The following TOPAZ1 variants were observed in gnomAD, a reference collection of about 807,000 sequenced individuals.
TOPAZ1 encodes the protein testis and ovary specific TOPAZ 1, also known as protein TOPAZ1.
In TOPAZ1, 66 loss-of-function variants were observed where a neutral mutation model predicts 172.2. That is an observed-to-expected ratio of 0.38 (90% CI 0.31 to 0.47). The LOEUF is 0.47. Among genes scored for constraint, TOPAZ1 ranks in the 20% least tolerant of loss-of-function variants. TOPAZ1 has a pLI of 0.99. For synonymous variants in TOPAZ1, 681 were observed against 683.9 expected, an observed-to-expected ratio of 1.00 and a Z score of 0.07; for missense variants, 1,822 against 1,972.4, an observed-to-expected ratio of 0.92 and a Z score of 1.44.
chr3:44,253,795 A>G (rs1274111098), intron 2 of TOPAZ1, among the ~76,000 whole-genome samples: 1 of 152,242 alleles, frequency 6.6e-6, no homozygotes, highest in Non-Finnish European at 1.5e-5. Context: ...AGAACAGTAA[A>G]TACAAAATGT....
chr3:44,243,030 T>G lies in TOPAZ1; in HGVS notation c.524T>G (p.Leu175Arg). 6.5e-7 allele frequency: 1 copy of G among 1,541,738 alleles called. No individual in the cohort carries two copies. The change falls in exon 2 of 20, where the codon CTT (leucine) becomes CGT (arginine). Residue 175 changes from leucine to arginine, a missense_variant. Leu to Arg is a moderately radical substitution (Grantham distance 102). Coordinates refer to ENST00000309765, the MANE Select transcript of TOPAZ1 (RefSeq NM_001145030.2). ...GIKRRIRNKKLKSLENPPLKI... is the reference protein window; with the variant it reads ...GIKRRIRNKKRKSLENPPLKI... ...AAAAGAAGAATTCGAAATAAAAAAC[T>G]TAAAAGCTTAGAAAACCCACCTCTC...
intron 15 of TOPAZ1, among the ~76,000 whole-genome samples, chr3:44,309,331 G>A (rs1700370981): frequency 6.6e-6 from 1 of 152,124 alleles, no homozygotes; most frequent in Non-Finnish European, 1.5e-5. Flanking sequence ...CACTCCCCAG[G>A]CTGATCTCAA....
In TOPAZ1 at chr3:44,242,190, A is replaced by G. The variant is rs1336129018; in HGVS notation, c.137A>G (p.Asn46Ser). Reference sequence around the variant, plus strand: ...CCTGAGGCCGGGGGGTGCCGGGAAAATAAGCAAAAGAGGAGAATGGTGGCC... The same window carrying G: ...CCTGAGGCCGGGGGGTGCCGGGAAAGTAAGCAAAAGAGGAGAATGGTGGCC... ...CGPEAGGCRE[N>S]KQKRRMVARA... The change falls in exon 1 of 20, where the codon AAT becomes AGT. Residue 46 changes from asparagine (N) to serine (S), a missense_variant. Physicochemically the swap from Asn to Ser is conservative, Grantham distance 46. Coordinates refer to ENST00000309765, the MANE Select transcript of TOPAZ1 (RefSeq NM_001145030.2). The G allele has an allele frequency of 1.3e-6, 2 of 1,543,198 alleles. No individual in the cohort carries two copies. Among genetic ancestry groups the G allele is most frequent in the Non-Finnish European group, 1.7e-6 (2 of 1,144,740 alleles).
intron 12 of TOPAZ1, among the ~76,000 whole-genome samples, chr3:44,302,577 C>T (rs1218353935): frequency 2.0e-5 from 3 of 152,116 alleles, no homozygotes; most frequent in African/African-American, 7.2e-5. Context: ...ACTATAGTAA[C>T]TGTAGAAGCT....
At chr3:44,292,112 A>G (rs1354544658) in intron 12 of TOPAZ1, among the ~76,000 whole-genome samples, 1 of 152,174 alleles carries the variant, frequency 6.6e-6, no homozygotes. Flanking sequence ...GGTACAGTTA[A>G]AAGAATTGCA....
chr3:44,272,625 G>A (rs1300771098), intron 8 of TOPAZ1, among the ~76,000 whole-genome samples: 3 of 152,068 alleles, frequency 2.0e-5, no homozygotes, highest in Admixed American at 6.6e-5. Context: ...ACAGTGGCAC[G>A]ATCTTGGCTC....
chr3:44,247,870 C>T (rs1179454609), intron 2 of TOPAZ1, among the ~76,000 whole-genome samples: 1 of 152,110 alleles, frequency 6.6e-6, no homozygotes, highest in Non-Finnish European at 1.5e-5. Context: ...AGGCTGGTCT[C>T]CAACTCCTGA....
intron 12 of TOPAZ1, among the ~76,000 whole-genome samples, chr3:44,295,044 TC>T (rs1445260579): frequency 1.3e-4 from 20 of 152,206 alleles, no homozygotes; most frequent in African/African-American, 4.8e-4. Flanking sequence ...TTTGTTTATC[TC>T]CTGTTTACCT....
chr3:44,281,334 A>G (rs1327418677), intron 8 of TOPAZ1, among the ~76,000 whole-genome samples: 4 of 152,188 alleles, frequency 2.6e-5, no homozygotes, highest in Admixed American at 6.6e-5. Context: ...ACCCACTGCA[A>G]TGCTATGGTA....
At chr3:44,261,087 T>C (rs1007365344) in intron 4 of TOPAZ1, among the ~76,000 whole-genome samples, 4 of 152,152 alleles carry the variant, frequency 2.6e-5, no homozygotes, top group Non-Finnish European at 5.9e-5. Context: ...TGGTTCTCTC[T>C]CTTGTATTTT....
intron 6 of TOPAZ1, 22 bp from the exon 7 acceptor site, chr3:44,269,193 AT>A: frequency 7.5e-7 from 1 of 1,332,174 alleles, no homozygotes; most frequent in Non-Finnish European, 1.1e-6. Context: ...TTGGTGTGTA[AT>A]GCCACTCTAA....
intron 12 of TOPAZ1, among the ~76,000 whole-genome samples, chr3:44,299,106 A>G (rs1700239176): frequency 6.7e-6 from 1 of 150,202 alleles, no homozygotes; most frequent in Non-Finnish European, 1.5e-5. Flanking sequence ...TATTTTTAGT[A>G]GAGACTGGGT....
At chr3:44,283,692 A>G (rs1378213205) in intron 9 of TOPAZ1, among the ~76,000 whole-genome samples, 1 of 152,094 alleles carries the variant, frequency 6.6e-6, no homozygotes, top group African/African-American at 2.4e-5. Flanking sequence ...TATCATTTTC[A>G]TTTGTTCTCT....
intron 17 of TOPAZ1, among the ~76,000 whole-genome samples, chr3:44,322,534 T>G (rs1202290015): frequency 6.6e-6 from 1 of 152,232 alleles, no homozygotes; most frequent in African/African-American, 2.4e-5. Flanking sequence ...ATGGTTTTTC[T>G]TTTGTCAAAT....
chr3:44,302,947 A>T (rs1376381333), intron 12 of TOPAZ1, among the ~76,000 whole-genome samples: 5 of 152,096 alleles, frequency 3.3e-5, no homozygotes, highest in Non-Finnish European at 5.9e-5. Context: ...GGCTCAGGTG[A>T]TCCTCCCACC....
In TOPAZ1 at chr3:44,323,217, G is replaced by A. The variant is rs1047679107; in HGVS notation, c.4597G>A (p.Asp1533Asn). The change falls in exon 18 of 20, where the codon GAT (aspartate) becomes AAT (asparagine). Residue 1533 changes from aspartate to asparagine, a missense_variant. This residue lies in a region of TOPAZ1 where 333 missense variants were observed against 481.7 expected (regional missense o/e 0.69). Transcript: ENST00000309765. ...CATGATTTCAAAGAGCATCCCTATT[G>A]ATTTTTCCTTTCTCAGAAGATTAAT... is the stretch of plus-strand genomic sequence containing the variant. ...EFMISKSIPI[D>N]FSFLRRLITS... The A allele has an allele frequency of 2.6e-6, 4 of 1,550,478 alleles. No individual in the cohort carries two copies. The highest frequency in any genetic ancestry group is 1.4e-5 in the African/African-American group (1 of 72,988).
chr3:44,254,847 C>A, intron 2 of TOPAZ1, 121 bp from the exon 3 acceptor site: 2 of 638,138 alleles, frequency 3.1e-6, no homozygotes, highest in Non-Finnish European at 5.4e-6. Flanking sequence ...AAGTACTCTG[C>A]CCTGGAGGAC....
In TOPAZ1 at chr3:44,255,691, A is replaced by C. The variant is rs1342782576; in HGVS notation, c.2828-460A>C. The stretch of plus-strand genomic sequence containing the variant: ...TATATACACACACACACACACACAC[A>C]CACACACACACACACACACACACAC... On this transcript the variant is annotated intron_variant, in intron 3 of 19. Transcript: ENST00000309765. Among the ~76,000 whole-genome samples, 6 of 86,698 alleles carry C rather than the reference A, an allele frequency of 6.9e-5. 1 individual carries two copies. In the South Asian group the frequency reaches 2.7e-3, roughly 40 times the overall value. The allele number at this position is 86,698 out of a possible 152,430, so 56.9% of individuals were successfully genotyped here. A position where few individuals can be genotyped will look rare whatever the true frequency, so the allele number is the denominator to read the frequency against.
chr3:44,244,379 T>G lies in TOPAZ1; in HGVS notation c.1873T>G (p.Leu625Val), dbSNP rs1482792735. ...TCAATTAACCAGTGAGACTCAAAGC[T>G]TAACGGGAAATAAAAAAAAAGCTAG... Reference protein sequence around the residue: ...DTQLTSETQSLTGNKKKARGN... With the variant: ...DTQLTSETQSVTGNKKKARGN... The change falls in exon 2 of 20, where the codon TTA becomes GTA. Residue 625 changes from leucine (L) to valine (V), a missense_variant. Transcript: ENST00000309765. The G allele has an allele frequency of 2.6e-6, 4 of 1,550,920 alleles. No homozygotes were observed. The highest frequency in any genetic ancestry group is 2.6e-6 in the Non-Finnish European group (3 of 1,146,792).
Sources: allele counts gnomAD v4.1 joint callset (sites outside exome capture counted in the v4.1 genomes callset), GRCh38; gene constraint gnomAD v4.1.1; regional missense constraint gnomAD v4.1.1; transcripts MANE v1.5; gene names NCBI Gene and HGNC (gene_info 2026-07-23, HGNC 2026-07-21).